KDM4C: variants seen among roughly 807,000 people sequenced by gnomAD.
KDM4C encodes the protein lysine demethylase 4C, also known as lysine-specific demethylase 4C.
KDM4C carries 81 observed loss-of-function variants against 129.3 expected under a neutral mutation model. That is an observed-to-expected ratio of 0.63 (90% CI 0.52 to 0.75). The LOEUF (loss-of-function observed/expected upper bound fraction) is 0.75. Ranked by LOEUF, KDM4C falls within the 30% of genes least tolerant of loss-of-function variation. The pLI is 0.00. For synonymous variants in KDM4C, 573 were observed against 456.1 expected (o/e 1.26, Z -3.26); for missense variants, 1,457 against 1,304.0 (o/e 1.12, Z -1.81).
At chr9:7,091,413 A>G (rs1012365811) in intron 17 of KDM4C, among the ~76,000 whole-genome samples, 3 of 152,186 alleles carry the variant, frequency 2.0e-5, no homozygotes, top group Admixed American at 6.5e-5. Flanking sequence ...TTTTTTCACT[A>G]AAACACTTTA....
At chr9:6,806,944 G>A (rs570246937) in intron 3 of KDM4C, among the ~76,000 whole-genome samples, 11 of 147,926 alleles carry the variant, frequency 7.4e-5, no homozygotes, top group African/African-American at 2.8e-4. Flanking sequence ...TCCCTCTCAT[G>A]CGGAGCGGAA....
At chr9:6,823,066 A>C (rs1387070633) in intron 4 of KDM4C, among the ~76,000 whole-genome samples, 1 of 152,220 alleles carries the variant, frequency 6.6e-6, no homozygotes, top group Non-Finnish European at 1.5e-5. Flanking sequence ...TAGAGGTATA[A>C]AATGAAGTTC....
intron 1 of KDM4C, among the ~76,000 whole-genome samples, chr9:6,749,534 G>T (rs748381165): frequency 1.3e-5 from 2 of 152,082 alleles, no homozygotes; most frequent in African/African-American, 2.4e-5. Context: ...CAGACATGGT[G>T]GTGCATGCCT....
intron 12 of KDM4C, among the ~76,000 whole-genome samples, chr9:7,008,429 C>G (rs1293057417): frequency 2.0e-5 from 3 of 152,196 alleles, no homozygotes; most frequent in Admixed American, 6.5e-5. Flanking sequence ...TTTGCAGTCC[C>G]AGACTCCAGG....
chr9:6,743,250 G>A (rs1220229217), intron 1 of KDM4C, among the ~76,000 whole-genome samples: 1 of 152,118 alleles, frequency 6.6e-6, no homozygotes, highest in African/African-American at 2.4e-5. Flanking sequence ...TGTCAGTGGT[G>A]GGGGCTTTAC....
At chr9:6,768,541 C>T (rs910440014) in intron 1 of KDM4C, among the ~76,000 whole-genome samples, 1 of 152,100 alleles carries the variant, frequency 6.6e-6, no homozygotes. Flanking sequence ...AACACTGATA[C>T]ATTACTATCA....
At chr9:6,757,928 C>T (rs1170946226), upstream of KDM4C, 4 of 985,262 alleles carry the variant, frequency 4.1e-6, no homozygotes, top group African/African-American at 3.5e-5. Context: ...TCACCAAGTG[C>T]GGGCCCCAGC....
At chr9:7,091,606 C>T (rs1256769291) in intron 17 of KDM4C, among the ~76,000 whole-genome samples, 1 of 152,124 alleles carries the variant, frequency 6.6e-6, no homozygotes. Flanking sequence ...AACATGGCTA[C>T]AAGAACAAAA....
intron 15 of KDM4C, among the ~76,000 whole-genome samples, chr9:7,040,544 C>G (rs1380375614): frequency 6.6e-6 from 1 of 151,940 alleles, no homozygotes; most frequent in Non-Finnish European, 1.5e-5. Context: ...TTCTGAAGAA[C>G]TTTATTTTGG....
At chr9:7,046,752 G>A in intron 15 of KDM4C, 110 bp from the exon 16 acceptor site, 1 of 815,866 alleles carries the variant, frequency 1.2e-6, no homozygotes. Flanking sequence ...AATTCCTGAT[G>A]GTTTTAATTT....
intron 8 of KDM4C, among the ~76,000 whole-genome samples, chr9:6,943,689 AG>A (rs1163141776): frequency 6.6e-6 from 1 of 151,286 alleles, no homozygotes; most frequent in African/African-American, 2.5e-5. Context: ...AAAAAAAAAA[AG>A]GTTGCACAAA....
chr9:6,797,828 C>G (rs1230906143), intron 2 of KDM4C, among the ~76,000 whole-genome samples: 1 of 152,172 alleles, frequency 6.6e-6, no homozygotes, highest in Non-Finnish European at 1.5e-5. Flanking sequence ...CACATTTTAG[C>G]AGAAAGTTTC....
intron 6 of KDM4C, among the ~76,000 whole-genome samples, chr9:6,882,124 G>T (rs1011467412): frequency 6.6e-6 from 1 of 152,134 alleles, no homozygotes; most frequent in African/African-American, 2.4e-5. Flanking sequence ...GTTTGATTTC[G>T]CCCTTCAGCT....
At chr9:6,797,287 C>T (rs546203690) in intron 2 of KDM4C, among the ~76,000 whole-genome samples, 4 of 152,140 alleles carry the variant, frequency 2.6e-5, no homozygotes, top group South Asian at 2.1e-4. Flanking sequence ...GTGCCTGGCC[C>T]GTTAATCCAC....
At chr9:6,864,737 C>T (rs1296604412) in intron 5 of KDM4C, among the ~76,000 whole-genome samples, 6 of 151,742 alleles carry the variant, frequency 4.0e-5, no homozygotes, top group African/African-American at 7.3e-5. Context: ...TGCTCTTGCT[C>T]AGTTCCCCCT....
chr9:7,156,947 G>A (rs1843241174), intron 19 of KDM4C, among the ~76,000 whole-genome samples: 2 of 152,170 alleles, frequency 1.3e-5, no homozygotes, highest in South Asian at 4.1e-4. Flanking sequence ...CTTGGGCAGT[G>A]TAGCCATTTG....
intron 2 of KDM4C, among the ~76,000 whole-genome samples, chr9:6,801,618 G>GCT (rs147393202): frequency 0.13 from 19,272 of 145,420 alleles, 1,442 homozygotes; most frequent in African/African-American, 0.22. Flanking sequence ...GTGCAGATAT[G>GCT]CTCTCTCTCT....
At chr9:6,823,050 A>C (rs1240650536) in intron 4 of KDM4C, among the ~76,000 whole-genome samples, 2 of 152,248 alleles carry the variant, frequency 1.3e-5, no homozygotes, top group African/African-American at 4.8e-5. Context: ...GTAATGCTTC[A>C]TTAAATAGAG....
intron 5 of KDM4C, among the ~76,000 whole-genome samples, chr9:6,870,959 G>C (rs1028813648): frequency 6.6e-6 from 1 of 152,190 alleles, no homozygotes; most frequent in African/African-American, 2.4e-5. Context: ...ATCTGTAGGT[G>C]CTGCAGCCCC....
Sources: allele counts gnomAD v4.1 joint callset (sites outside exome capture counted in the v4.1 genomes callset), GRCh38; gene constraint gnomAD v4.1.1; transcripts MANE v1.5; gene names NCBI Gene and HGNC (gene_info 2026-07-23, HGNC 2026-07-21).